CABLES1: variants seen among roughly 807,000 people sequenced by gnomAD.
CABLES1 encodes the protein CDK5 and ABL1 enzyme substrate 1.
In CABLES1, 36 loss-of-function variants were observed where a neutral mutation model predicts 57.8. The observed-to-expected ratio is 0.62, with a 90% confidence interval of 0.48 to 0.82. The LOEUF is 0.82. CABLES1 is among the 40% of genes least tolerant of loss of function. CABLES1 has a pLI of 0.00. For synonymous variants in CABLES1, 374 were observed against 363.0 expected (o/e 1.03, Z -0.35); for missense variants, 767 against 836.6 (o/e 0.92, Z 1.03).
chr18:23,139,908 G>A (rs1033613499), intron 1 of CABLES1, among the ~76,000 whole-genome samples: 21 of 152,150 alleles, frequency 1.4e-4, no homozygotes, highest in African/African-American at 3.6e-4. Context: ...CAACTGTCCC[G>A]TCGTACTGGT....
At chr18:23,172,588 T>C (rs1369176847) in intron 1 of CABLES1, among the ~76,000 whole-genome samples, 2 of 152,242 alleles carry the variant, frequency 1.3e-5, no homozygotes, top group Admixed American at 1.3e-4. Flanking sequence ...TCCCTAGTTG[T>C]TAAGAATATA....
chr18:23,188,469 G>C lies in CABLES1; in HGVS notation c.846-369G>C, dbSNP rs553407340. Among the ~76,000 whole-genome samples, 4 of 152,270 alleles carry C rather than the reference G, an allele frequency of 2.6e-5. No individual in the cohort carries two copies. In the East Asian group the frequency reaches 7.7e-4, roughly 29 times the overall value. ...ATCAGTGATAGTGGAATACTTAACAGTATTAGCTAATGCCTTAGAAAAGCT... is the reference window on the plus strand; with the variant it reads ...ATCAGTGATAGTGGAATACTTAACACTATTAGCTAATGCCTTAGAAAAGCT... On this transcript the variant is annotated intron_variant, in intron 1 of 9. Transcript: ENST00000256925.
chr18:23,188,829 T>C lies in CABLES1; in HGVS notation c.846-9T>C. ...TTTTAACTCCCAGATTTTTTCCTTC[T>C]TTCTGCAGACGGCGCCTCATCTCCC... On this transcript the variant is annotated splice_polypyrimidine_tract_variant and intron_variant, in intron 1 of 9. Coordinates refer to ENST00000256925, the MANE Select transcript of CABLES1 (RefSeq NM_001100619.3). The C allele has an allele frequency of 6.2e-7, 1 of 1,612,178 alleles. No homozygotes were observed. Among genetic ancestry groups the C allele is most frequent in the Non-Finnish European group, 8.5e-7 (1 of 1,178,202 alleles).
At position 23,151,023 on chromosome 18, in the gene CABLES1, T is replaced by G. The variant is rs1156988214; in HGVS notation, c.845+14416T>G. On this transcript the variant is annotated intron_variant, in intron 1 of 9. Coordinates refer to ENST00000256925, the MANE Select transcript of CABLES1 (RefSeq NM_001100619.3). Reference sequence around the variant, plus strand: ...ACAGTGCCCTGGCCTACGTTTTTTTTTTTTTTTTTTTGAGAGGCAGAGTCT... The same window carrying G: ...ACAGTGCCCTGGCCTACGTTTTTTTGTTTTTTTTTTTGAGAGGCAGAGTCT... Among the ~76,000 whole-genome samples the G allele has an allele frequency of 5.4e-5, 8 of 148,468 alleles. No homozygotes were observed. The East Asian group carries it at 1.6e-3, about 30-fold the overall frequency.
chr18:23,215,412 G>A (rs547486696), intron 4 of CABLES1, among the ~76,000 whole-genome samples: 10 of 152,292 alleles, frequency 6.6e-5, no homozygotes, highest in South Asian at 2.1e-4. Context: ...AGTAGTAGCC[G>A]AAGGGCCCAG....
chr18:23,236,089 G>T, intron 6 of CABLES1, 38 bp downstream of exon 6: 2 of 1,603,778 alleles, frequency 1.2e-6, no homozygotes, highest in Non-Finnish European at 1.7e-6. Context: ...GCTCGTGGTG[G>T]GAGGGAGGTG....
At chr18:23,224,561 C>CTTTTTT (rs777471596) in intron 4 of CABLES1, among the ~76,000 whole-genome samples, 12 of 89,654 alleles carry the variant, frequency 1.3e-4, no homozygotes, top group East Asian at 3.4e-4. Context: ...AGTCACAGAG[C>CTTTTTT]TTTTTTTTTT....
chr18:23,139,661 C>T (rs2046845315), intron 1 of CABLES1, among the ~76,000 whole-genome samples: 1 of 152,170 alleles, frequency 6.6e-6, no homozygotes, highest in Non-Finnish European at 1.5e-5. Context: ...ATTTAGCCCT[C>T]ACAGCCACCC....
At chr18:23,150,212 T>TTG (rs2046918962) in intron 1 of CABLES1, among the ~76,000 whole-genome samples, 2 of 142,304 alleles carry the variant, frequency 1.4e-5, no homozygotes, top group South Asian at 2.3e-4. Context: ...TGTTTGTTTT[T>TTG]TTTTTTTTTT....
At chr18:23,192,687 C>G (rs2047253035) in intron 2 of CABLES1, among the ~76,000 whole-genome samples, 1 of 152,206 alleles carries the variant, frequency 6.6e-6, no homozygotes, top group Admixed American at 6.5e-5. Flanking sequence ...CTAGAAACCA[C>G]TTTATGCTTT....
chr18:23,246,668 T>G (rs187977047), intron 7 of CABLES1, among the ~76,000 whole-genome samples: 5,726 of 151,704 alleles, frequency 0.038, 154 homozygotes, highest in Non-Finnish European at 0.041. Flanking sequence ...TGGGATTATA[T>G]GCTTGAGCCA....
chr18:23,169,585 A>G (rs1336406828), intron 1 of CABLES1, among the ~76,000 whole-genome samples: 1 of 152,244 alleles, frequency 6.6e-6, no homozygotes, highest in Non-Finnish European at 1.5e-5. Context: ...CCCTTCCCCC[A>G]GCTCAACCAA....
At chr18:23,153,713 A>G (rs995773395) in intron 1 of CABLES1, among the ~76,000 whole-genome samples, 2 of 151,724 alleles carry the variant, frequency 1.3e-5, no homozygotes, top group Non-Finnish European at 2.9e-5. Context: ...CAGCCTGGGC[A>G]ACAGAGCAAG....
intron 4 of CABLES1, among the ~76,000 whole-genome samples, chr18:23,232,638 T>A (rs1233445729): frequency 6.6e-6 from 1 of 152,196 alleles, no homozygotes; most frequent in Non-Finnish European, 1.5e-5. Context: ...GGTTGTTGGC[T>A]TTCTTCTGCA....
At chr18:23,197,742 G>A (rs2047295026) in intron 3 of CABLES1, 1 of 152,162 alleles carries the variant, frequency 6.6e-6, no homozygotes, top group African/African-American at 2.4e-5. Context: ...TAACAGAGAA[G>A]GCAGACCAGT....
At chr18:23,160,129 C>T (rs1487227171) in intron 1 of CABLES1, among the ~76,000 whole-genome samples, 1 of 151,844 alleles carries the variant, frequency 6.6e-6, no homozygotes, top group Non-Finnish European at 1.5e-5. Flanking sequence ...CCTCCGCCTC[C>T]CAGGTTCAAG....
intron 1 of CABLES1, among the ~76,000 whole-genome samples, chr18:23,139,403 C>CAAAAA (rs61297552): frequency 5.5e-4 from 61 of 111,108 alleles, no homozygotes; most frequent in African/African-American, 1.3e-3. Flanking sequence ...AACTCCATCT[C>CAAAAA]AAAAAAAAAA....
intron 4 of CABLES1, chr18:23,214,335 G>T (rs976641976): frequency 1.3e-5 from 4 of 305,276 alleles, no homozygotes; most frequent in Admixed American, 9.7e-5. Flanking sequence ...ACATTATGGG[G>T]CCCACCATAT....
In CABLES1 at chr18:23,188,899, C is replaced by A. The variant is rs2047222009; in HGVS notation, c.907C>A (p.Pro303Thr). 6.2e-7 allele frequency: 1 copy of A among 1,611,230 alleles called. No individual in the cohort carries two copies. The highest frequency in any genetic ancestry group is 1.3e-5 in the African/African-American group (1 of 74,800). ...CCTGGAAGATATTGAGGAGAACGCC[C>A]CTCTCCGGAGGTAATTTTCTGTTTC... ...ETLEDIEENAPLRRCRTLSGS... is the reference protein window; with the variant it reads ...ETLEDIEENATLRRCRTLSGS... The change falls in exon 2 of 10, where the codon CCT becomes ACT. Residue 303 changes from proline to threonine, a missense_variant. Physicochemically the swap from Pro to Thr is conservative, Grantham distance 38. Transcript: ENST00000256925.
Sources: gnomAD v4.1 joint callset for allele counts (sites outside exome capture counted in the v4.1 genomes callset) on GRCh38, gnomAD v4.1.1 for gene constraint, MANE v1.5 for transcripts, NCBI Gene and HGNC (gene_info 2026-07-23, HGNC 2026-07-21) for gene names.